Variants in ZFTRAF1 observed in about 807,000 individuals in gnomAD.
ZFTRAF1 encodes the protein zinc finger TRAF-type and ring finger containing 1, also known as zinc finger TRAF-type-containing protein 1.
chr8:144,452,432 C>T, the ZFTRAF1 span: 1 of 1,550,074 alleles, frequency 6.5e-7, no homozygotes, highest in Non-Finnish European at 8.7e-7. Context: ...TGCGGTGGCT[C>T]TGGTCCATCC....
the ZFTRAF1 span, chr8:144,454,558 C>T: frequency 4.6e-5 from 7 of 152,410 alleles, no homozygotes; most frequent in Non-Finnish European, 7.3e-5. Context: ...GCAGCCGGCC[C>T]AGGCTTGCCA....
the ZFTRAF1 span, among the ~76,000 whole-genome samples, chr8:144,460,649 G>A: frequency 6.6e-6 from 1 of 152,236 alleles, no homozygotes; most frequent in Non-Finnish European, 1.5e-5. Flanking sequence ...TCAGAAGGCC[G>A]AGGCAGGCGG....
chr8:144,455,549 T>G, the ZFTRAF1 span: 1 of 43,078 alleles, frequency 2.3e-5, no homozygotes, highest in African/African-American at 1.0e-4. Flanking sequence ...ACCACTGTCC[T>G]CTCACAGCCC....
chr8:144,453,402 C>T, the ZFTRAF1 span: 2 of 1,551,202 alleles, frequency 1.3e-6, no homozygotes, highest in African/African-American at 1.4e-5. Flanking sequence ...CTCCTTCAGC[C>T]GGGCATCTGC....
At chr8:144,461,977 G>A in the ZFTRAF1 span, among the ~76,000 whole-genome samples, 1 of 152,166 alleles carries the variant, frequency 6.6e-6, no homozygotes, top group Non-Finnish European at 1.5e-5. Flanking sequence ...GGACCGTGGG[G>A]AAGTCTAGAA....
At chr8:144,454,342 G>A in the ZFTRAF1 span, 1 of 152,336 alleles carries the variant, frequency 6.6e-6, no homozygotes, top group Non-Finnish European at 1.5e-5. Flanking sequence ...GCCCAGACCA[G>A]AACCAAGAGG....
chr8:144,450,810 T>C, the ZFTRAF1 span: 3 of 668,010 alleles, frequency 4.5e-6, no homozygotes, highest in African/African-American at 1.8e-5. Context: ...CGGCTGTTAG[T>C]GTGGGCAGGG....
the ZFTRAF1 span, among the ~76,000 whole-genome samples, chr8:144,461,744 G>C: frequency 1.3e-5 from 2 of 152,148 alleles, no homozygotes; most frequent in Non-Finnish European, 2.9e-5. Flanking sequence ...ACTGGAAATG[G>C]ACCAAGAGAA....
the ZFTRAF1 span, chr8:144,450,817 AG>A: frequency 1.5e-5 from 10 of 651,546 alleles, no homozygotes; most frequent in Non-Finnish European, 2.6e-5. Context: ...TAGTGTGGGC[AG>A]GGCTGGGCAG....
At chr8:144,462,149 C>T in the ZFTRAF1 span, 1 of 356,444 alleles carries the variant, frequency 2.8e-6, no homozygotes, top group East Asian at 4.3e-5. Flanking sequence ...GAGGAAGTGG[C>T]TGTAAGGGCC....
the ZFTRAF1 span, chr8:144,452,234 G>T: frequency 8.9e-7 from 1 of 1,122,116 alleles, no homozygotes; most frequent in Non-Finnish European, 1.3e-6. Flanking sequence ...CCGGGAGCTT[G>T]TCCAGAGCCC....
the ZFTRAF1 span, chr8:144,462,406 T>C: frequency 1.1e-5 from 4 of 377,988 alleles, no homozygotes; most frequent in East Asian, 4.3e-5. Flanking sequence ...CCGCCTCGGC[T>C]GCCCGCAGCC....
At chr8:144,453,366 C>T in the ZFTRAF1 span, 1 of 1,551,194 alleles carries the variant, frequency 6.4e-7, no homozygotes, top group Non-Finnish European at 8.7e-7. Context: ...GATCTCACAA[C>T]GACAATTGGG....
chr8:144,456,555 C>G, the ZFTRAF1 span: 8 of 152,804 alleles, frequency 5.2e-5, no homozygotes, highest in Admixed American at 5.2e-4. Context: ...CACCTCTCCC[C>G]ACCAGCCAGG....
chr8:144,450,010 C>T, the ZFTRAF1 span: 4 of 260,466 alleles, frequency 1.5e-5, no homozygotes, highest in Non-Finnish European at 3.0e-5. Context: ...CGCGCCCCGC[C>T]GGAACCCGCA....
the ZFTRAF1 span, among the ~76,000 whole-genome samples, chr8:144,459,745 G>A: frequency 3.9e-5 from 6 of 152,190 alleles, no homozygotes; most frequent in Non-Finnish European, 8.8e-5. Context: ...GCTCAGCATG[G>A]CCACTCCCCT....
chr8:144,456,349 C>T, the ZFTRAF1 span: 4 of 152,546 alleles, frequency 2.6e-5, no homozygotes, highest in Admixed American at 2.6e-4. Flanking sequence ...TGGCTCTACA[C>T]CAAGGCCAGG....
the ZFTRAF1 span, among the ~76,000 whole-genome samples, chr8:144,461,808 A>C: frequency 2.6e-5 from 4 of 152,040 alleles, no homozygotes; most frequent in Non-Finnish European, 4.4e-5. Context: ...GATGTTCAGG[A>C]GTGGAGGGAC....
At chr8:144,453,132 A>C in the ZFTRAF1 span, 12 of 1,196,384 alleles carry the variant, frequency 1.0e-5, no homozygotes, top group African/African-American at 1.5e-4. Context: ...AGACAGCCAG[A>C]CCACCCTGCA....
Sources: allele counts gnomAD v4.1 joint callset (sites outside exome capture counted in the v4.1 genomes callset), GRCh38; gene constraint gnomAD v4.1.1; transcripts MANE v1.5; gene names NCBI Gene and HGNC (gene_info 2026-07-23, HGNC 2026-07-21).